TIPARP: variants seen among roughly 807,000 people sequenced by gnomAD.
The protein encoded by TIPARP is TCDD inducible poly(ADP-ribose) polymerase, also known as protein mono-ADP-ribosyltransferase TIPARP.
In TIPARP, 12 loss-of-function variants were observed where a neutral mutation model predicts 56.5. That is an observed-to-expected ratio of 0.21 (90% CI 0.14 to 0.34). The LOEUF (loss-of-function observed/expected upper bound fraction) is 0.34. Ranked by LOEUF, TIPARP falls within the 10% of genes least tolerant of loss-of-function variation. TIPARP has a pLI of 1.00. For synonymous variants in TIPARP, 296 were observed against 265.7 expected (o/e 1.11, Z -1.11); for missense variants, 604 against 781.6 (o/e 0.77, Z 2.71).
chr3:156,697,637 C>G (rs1019540277), intron 4 of TIPARP, among the ~76,000 whole-genome samples: 4 of 152,086 alleles, frequency 2.6e-5, no homozygotes, highest in Non-Finnish European at 4.4e-5. Flanking sequence ...TCTATTAGTG[C>G]TGTATTTTCA....
At chr3:156,691,467 T>G (rs1182517680) in intron 2 of TIPARP, among the ~76,000 whole-genome samples, 3 of 152,184 alleles carry the variant, frequency 2.0e-5, no homozygotes, top group East Asian at 3.8e-4. Flanking sequence ...TTAACGCCCC[T>G]GGAAGACAGG....
chr3:156,682,117 T>G (rs1314713659), intron 2 of TIPARP, among the ~76,000 whole-genome samples: 1 of 152,212 alleles, frequency 6.6e-6, no homozygotes, highest in African/African-American at 2.4e-5. Flanking sequence ...AGTTTCATAT[T>G]ACATTCATTT....
intron 2 of TIPARP, among the ~76,000 whole-genome samples, chr3:156,687,420 G>C (rs1037283092): frequency 6.6e-6 from 1 of 152,102 alleles, no homozygotes; most frequent in African/African-American, 2.4e-5. Flanking sequence ...TCTTTGCTTT[G>C]ATCTGTAGTT....
At chr3:156,694,244 TG>T in intron 3 of TIPARP, 56 bp downstream of exon 3, 4 of 1,473,016 alleles carry the variant, frequency 2.7e-6, no homozygotes, top group Non-Finnish European at 3.7e-6. Flanking sequence ...TTTTTCTTCC[TG>T]TATTCTTTTA....
At chr3:156,691,607 G>A (rs368413506) in intron 2 of TIPARP, among the ~76,000 whole-genome samples, 14 of 152,132 alleles carry the variant, frequency 9.2e-5, no homozygotes, top group African/African-American at 3.1e-4. Context: ...TGTGGTGGCT[G>A]TTGAACATTT....
chr3:156,674,813 G>A lies in TIPARP; in HGVS notation c.-42+17G>A, dbSNP rs138550264. ...CCCGTTCAGGTAAAGGGCTCCGGGA[G>A]GGCACTGAGGGGCTGAAGAACCCTA... On this transcript the variant is annotated intron_variant, in intron 1 of 5. Coordinates refer to ENST00000295924, the MANE Select transcript of TIPARP (RefSeq NM_015508.5). 1.3e-5 allele frequency: 2 copies of A among 152,430 alleles called. No individual in the cohort carries two copies. The highest frequency in any genetic ancestry group is 2.9e-5 in the Non-Finnish European group (2 of 68,104). The allele number at this position is 152,430 out of a possible 1,614,324, so 9.4% of individuals were successfully genotyped here. A position where few individuals can be genotyped will look rare whatever the true frequency, so the allele number is the denominator to read the frequency against.
chr3:156,676,990 A>G (rs1722146629), intron 1 of TIPARP, among the ~76,000 whole-genome samples: 2 of 152,250 alleles, frequency 1.3e-5, no homozygotes, highest in South Asian at 4.1e-4. Flanking sequence ...CTTGTATTCC[A>G]TCAGAAGCGG....
At chr3:156,678,690 G>T in intron 2 of TIPARP, 76 bp downstream of exon 2, 1 of 1,378,058 alleles carries the variant, frequency 7.3e-7, no homozygotes, top group East Asian at 2.4e-5. Context: ...GCTTAGTAGG[G>T]TGGTTTCTTT....
chr3:156,694,598 C>T (rs1044728484), intron 3 of TIPARP, among the ~76,000 whole-genome samples: 6 of 152,192 alleles, frequency 3.9e-5, no homozygotes, highest in African/African-American at 1.2e-4. Context: ...CCAATGGAAA[C>T]AATCACTCAT....
intron 2 of TIPARP, among the ~76,000 whole-genome samples, chr3:156,690,764 T>TATTA (rs1353961265): frequency 6.6e-6 from 1 of 152,140 alleles, no homozygotes; most frequent in Non-Finnish European, 1.5e-5. Flanking sequence ...GTACAGTGGC[T>TATTA]ATTACCCATA....
intron 2 of TIPARP, among the ~76,000 whole-genome samples, chr3:156,682,019 A>C (rs756895278): frequency 6.6e-6 from 1 of 152,222 alleles, no homozygotes; most frequent in Non-Finnish European, 1.5e-5. Context: ...CAGTTTTAAA[A>C]GAGCCTTGCA....
intron 4 of TIPARP, among the ~76,000 whole-genome samples, chr3:156,701,496 CT>C (rs1346714973): frequency 1.3e-5 from 2 of 152,200 alleles, no homozygotes; most frequent in Non-Finnish European, 2.9e-5. Flanking sequence ...GGGACTTACC[CT>C]TTTCTTTGCA....
intron 2 of TIPARP, among the ~76,000 whole-genome samples, chr3:156,688,391 A>C (rs1157424246): frequency 3.7e-5 from 5 of 135,372 alleles, no homozygotes; most frequent in Non-Finnish European, 6.7e-5. Flanking sequence ...AAAAAAAAAA[A>C]AAAAAACTGA....
chr3:156,690,847 C>G (rs1415417500), intron 2 of TIPARP, among the ~76,000 whole-genome samples: 1 of 152,122 alleles, frequency 6.6e-6, no homozygotes, highest in Non-Finnish European at 1.5e-5. Context: ...GATTATTGCA[C>G]CTTGCTTTTA....
intron 4 of TIPARP, among the ~76,000 whole-genome samples, chr3:156,701,903 A>G (rs776045401): frequency 2.6e-5 from 4 of 152,336 alleles, no homozygotes; most frequent in Admixed American, 2.0e-4. Context: ...TTTGAGGCAC[A>G]TTGAATTGAA....
At chr3:156,693,179 G>A (rs981610879) in intron 2 of TIPARP, among the ~76,000 whole-genome samples, 2 of 152,112 alleles carry the variant, frequency 1.3e-5, no homozygotes, top group African/African-American at 4.8e-5. Flanking sequence ...AAAGAGAGAA[G>A]AGTATAATGA....
chr3:156,704,012 CAAA>C (rs11452301), intron 5 of TIPARP, among the ~76,000 whole-genome samples: 3 of 122,234 alleles, frequency 2.5e-5, no homozygotes, highest in Admixed American at 8.7e-5. Flanking sequence ...GACTCCGTCT[CAAA>C]AAAAAAAAAA....
intron 4 of TIPARP, among the ~76,000 whole-genome samples, chr3:156,702,269 G>T (rs1462247914): frequency 6.6e-6 from 1 of 152,130 alleles, no homozygotes. Context: ...TTCGCTCTTT[G>T]CTAGCTATAC....
chr3:156,699,562 TA>T (rs1190179610), intron 4 of TIPARP, among the ~76,000 whole-genome samples: 1 of 152,198 alleles, frequency 6.6e-6, no homozygotes, highest in Non-Finnish European at 1.5e-5. Flanking sequence ...TGCTATTATG[TA>T]CTGAATAGAC....
Sources: allele counts gnomAD v4.1 joint callset (sites outside exome capture counted in the v4.1 genomes callset), GRCh38; gene constraint gnomAD v4.1.1; transcripts MANE v1.5; gene names NCBI Gene and HGNC (gene_info 2026-07-23, HGNC 2026-07-21).